Variants in GFM1 observed in about 807,000 individuals in gnomAD.
The protein encoded by GFM1 is elongation factor G, mitochondrial.
GFM1 carries 62 observed loss-of-function variants against 96.2 expected under a neutral mutation model. The observed-to-expected ratio is 0.64, with a 90% confidence interval of 0.53 to 0.80. The LOEUF is 0.80. Ranked by LOEUF, GFM1 falls within the 30% of genes least tolerant of loss-of-function variation. The pLI is 0.00. For missense variants in GFM1, 852 were observed against 916.6 expected, an observed-to-expected ratio of 0.93 and a Z score of 0.91; for synonymous variants, 282 against 312.9, an observed-to-expected ratio of 0.90 and a Z score of 1.04.
At chr3:158,654,458 T>C (rs1049324286) in intron 7 of GFM1, 89 bp from the exon 8 acceptor site, 1 of 836,658 alleles carries the variant, frequency 1.2e-6, no homozygotes, top group East Asian at 2.7e-5. Flanking sequence ...ACGTGCTTTT[T>C]CTCAGATAAT....
intron 13 of GFM1, among the ~76,000 whole-genome samples, chr3:158,673,727 C>T (rs1346023693): frequency 6.6e-6 from 1 of 150,440 alleles, no homozygotes. Flanking sequence ...TGGTCTCAAA[C>T]TCCTGACCTC....
chr3:158,655,480 T>C (rs1722672626), intron 8 of GFM1, among the ~76,000 whole-genome samples: 1 of 124,148 alleles, frequency 8.1e-6, no homozygotes, highest in Non-Finnish European at 1.6e-5. Flanking sequence ...CAAGACTTCA[T>C]CTCGGAAAAA....
At chr3:158,684,916 A>G (rs1725711133) in intron 15 of GFM1, 1 of 411,152 alleles carries the variant, frequency 2.4e-6, no homozygotes, top group Admixed American at 4.1e-5. Flanking sequence ...TTGAATTCAT[A>G]GATAATTTAT....
At chr3:158,680,040 C>G (rs1725229998) in intron 13 of GFM1, among the ~76,000 whole-genome samples, 1 of 152,046 alleles carries the variant, frequency 6.6e-6, no homozygotes, top group Admixed American at 6.6e-5. Flanking sequence ...ACTCTAAAGT[C>G]AAAACAAATC....
chr3:158,661,404 C>G (rs183482787), intron 10 of GFM1, among the ~76,000 whole-genome samples: 2 of 152,286 alleles, frequency 1.3e-5, no homozygotes, highest in Admixed American at 1.3e-4. Context: ...GTATACTGTT[C>G]CCTCAATCCC....
chr3:158,684,459 G>C lies in GFM1; in HGVS notation c.1765-65G>C. On this transcript the variant is annotated intron_variant, in intron 14 of 17. Transcript: ENST00000486715. ...CACTTCTGAACACAAATATTTTGGG[G>C]TTCTTGATAATGTATCTGCAAGTAA... is the stretch of plus-strand genomic sequence containing the variant. The C allele has an allele frequency of 2.0e-6, 3 of 1,533,072 alleles. No homozygotes were observed. The South Asian group carries it at 3.4e-5, about 17-fold the overall frequency. 95.0% of individuals were successfully genotyped at this position (1,533,072 alleles called of 1,614,324 possible).
At chr3:158,658,322 G>A (rs112750857) in intron 8 of GFM1, among the ~76,000 whole-genome samples, 11 of 152,042 alleles carry the variant, frequency 7.2e-5, no homozygotes, top group African/African-American at 2.2e-4. Context: ...GTGCCACCAC[G>A]TCTGGCTGAT....
At chr3:158,647,571 T>G (rs956034572) in intron 4 of GFM1, among the ~76,000 whole-genome samples, 5 of 152,202 alleles carry the variant, frequency 3.3e-5, no homozygotes, top group Admixed American at 6.5e-5. Flanking sequence ...TCACATGGCA[T>G]AGTTGATGGA....
Position 158,693,327 on chromosome 3 carries a change from A to G in GFM1, c.*1860A>G, listed in dbSNP as rs574423997. Reference sequence around the variant, plus strand: ...CTTCATGGAATTTAGCATGATTCCTATGGCTATTGAGAATAGTCACAACTA... The same window carrying G: ...CTTCATGGAATTTAGCATGATTCCTGTGGCTATTGAGAATAGTCACAACTA... On this transcript the variant is annotated 3_prime_UTR_variant, in exon 18 of 18. Transcript: ENST00000486715. 2.0e-5 allele frequency: 3 copies of G among 152,244 alleles called. No individual in the cohort carries two copies. Among genetic ancestry groups the G allele is most frequent in the African/African-American group, 2.4e-5 (1 of 41,462 alleles). 9.4% of individuals were successfully genotyped at this position (152,244 alleles called of 1,614,324 possible). A position where few individuals can be genotyped will look rare whatever the true frequency, so the allele number is the denominator to read the frequency against.
chr3:158,672,009 G>A (rs1221814232), intron 13 of GFM1, among the ~76,000 whole-genome samples: 1 of 152,206 alleles, frequency 6.6e-6, no homozygotes, highest in South Asian at 2.1e-4. Context: ...GATGAGAAAC[G>A]TGGCAGCCTT....
chr3:158,682,876 A>G (rs1576787959), intron 14 of GFM1, among the ~76,000 whole-genome samples: 1 of 152,026 alleles, frequency 6.6e-6, no homozygotes, highest in East Asian at 1.9e-4. Flanking sequence ...AAATAAAAAT[A>G]GAAAAAAAAT....
chr3:158,663,649 A>G (rs146712592), intron 11 of GFM1, among the ~76,000 whole-genome samples: 3 of 152,342 alleles, frequency 2.0e-5, no homozygotes, highest in East Asian at 1.9e-4. Context: ...TTCCAAGTAC[A>G]TTGTTAAAAT....
chr3:158,681,830 A>T (rs1419193651), intron 13 of GFM1, among the ~76,000 whole-genome samples, 165 bp from the exon 14 acceptor site: 1 of 152,234 alleles, frequency 6.6e-6, no homozygotes, highest in African/African-American at 2.4e-5. Flanking sequence ...AACAGAAAAC[A>T]GAGGGTTCTT....
intron 5 of GFM1, chr3:158,649,673 C>G (rs986473649): frequency 3.7e-6 from 1 of 267,116 alleles, no homozygotes; most frequent in Non-Finnish European, 7.1e-6. Flanking sequence ...AAGTTGGTAA[C>G]TTTTTGATGT....
At chr3:158,675,310 A>AAAAAAAAAGG (rs370161147) in intron 13 of GFM1, among the ~76,000 whole-genome samples, 3 of 114,046 alleles carry the variant, frequency 2.6e-5, no homozygotes, top group Non-Finnish European at 5.2e-5. Flanking sequence ...AAAAAAAAAA[A>AAAAAAAAAGG]CAAGTTTTCA....
At chr3:158,688,773 C>T (rs554625854) in intron 15 of GFM1, among the ~76,000 whole-genome samples, 1 of 152,242 alleles carries the variant, frequency 6.6e-6, no homozygotes, top group South Asian at 2.1e-4. Context: ...TCTTTGAGTT[C>T]AGTTATTTCT....
chr3:158,647,280 A>G (rs996105788), intron 4 of GFM1, among the ~76,000 whole-genome samples: 33 of 152,344 alleles, frequency 2.2e-4, no homozygotes, highest in African/African-American at 6.5e-4. Context: ...TTTTATTTAG[A>G]CAAAAGATCA....
chr3:158,686,300 AAATATAT>A (rs1576793276), intron 15 of GFM1, among the ~76,000 whole-genome samples: 2 of 148,090 alleles, frequency 1.4e-5, no homozygotes, highest in East Asian at 3.9e-4. Flanking sequence ...GTATATATAT[AAATATAT>A]AATATGTATA....
Position 158,682,036 on chromosome 3 carries a change from A to G in GFM1, c.1643A>G (p.Gln548Arg), listed in dbSNP as rs568841848. 1.4e-5 allele frequency: 23 copies of G among 1,613,710 alleles called. No individual in the cohort carries two copies. Among genetic ancestry groups the G allele is most frequent in the Non-Finnish European group, 1.9e-5 (22 of 1,179,782 alleles). Residue 548 changes from glutamine to arginine, a missense_variant, in exon 14 of 18, where the codon CAG (glutamine) becomes CGG (arginine). Transcript: ENST00000486715. ...THKKQSGGAG[Q>R]YGKVIGVLEP... ...AAAAAACAATCAGGTGGTGCAGGCC[A>G]GTATGGAAAAGTAATAGGTGTCCTG... is the stretch of plus-strand genomic sequence containing the variant.
Sources: allele counts gnomAD v4.1 joint callset (sites outside exome capture counted in the v4.1 genomes callset), GRCh38; gene constraint gnomAD v4.1.1; transcripts MANE v1.5; gene names NCBI Gene and HGNC (gene_info 2026-07-23, HGNC 2026-07-21).